The following ADGRB3 variants were observed in gnomAD, a reference collection of about 807,000 sequenced individuals.
ADGRB3 encodes brain-specific angiogenesis inhibitor 3.
ADGRB3 carries 37 observed loss-of-function variants against 193.4 expected under a neutral mutation model. The observed-to-expected ratio is 0.19, with a 90% CI of 0.15 to 0.25. ADGRB3 has a LOEUF of 0.25. Ranked by LOEUF, ADGRB3 falls within the 10% of genes least tolerant of loss-of-function variation. The probability of loss-of-function intolerance (pLI) is 1.00; values close to 1 mark genes in which losing one functional copy is unlikely to be tolerated. For synonymous variants in ADGRB3, 690 were observed against 644.2 expected (o/e 1.07, Z -1.08); for missense variants, 1,637 against 1,852.9 (o/e 0.88, Z 2.14).
At chr6:69,112,025 C>G (rs1429034324) in intron 17 of ADGRB3, among the ~76,000 whole-genome samples, 1 of 152,178 alleles carries the variant, frequency 6.6e-6, no homozygotes, top group Admixed American at 6.5e-5. Context: ...CAGATAGGCT[C>G]TGTGATATTT....
intron 3 of ADGRB3, among the ~76,000 whole-genome samples, chr6:68,843,483 C>T (rs1024633096): frequency 1.3e-5 from 2 of 151,836 alleles, no homozygotes; most frequent in African/African-American, 4.8e-5. Context: ...AAGATCTCTA[C>T]AATGAAAACT....
chr6:69,337,649 G>A (rs1016629014), intron 24 of ADGRB3, among the ~76,000 whole-genome samples: 2 of 152,250 alleles, frequency 1.3e-5, no homozygotes, highest in Non-Finnish European at 2.9e-5. Context: ...TCAGTAAAGC[G>A]AGGGATTTAG....
intron 3 of ADGRB3, among the ~76,000 whole-genome samples, chr6:68,753,722 T>A (rs1766246103): frequency 6.6e-6 from 1 of 151,994 alleles, no homozygotes; most frequent in Admixed American, 6.6e-5. Context: ...TAAAGAAAAA[T>A]TATTTTTTCC....
At chr6:69,065,033 A>G (rs1242197541) in intron 16 of ADGRB3, among the ~76,000 whole-genome samples, 2 of 152,296 alleles carry the variant, frequency 1.3e-5, no homozygotes, top group African/African-American at 4.8e-5. Flanking sequence ...ATTAAGCACC[A>G]GCTAGTACTG....
intron 3 of ADGRB3, among the ~76,000 whole-genome samples, chr6:68,721,952 C>T (rs1395549452): frequency 2.6e-5 from 4 of 151,384 alleles, no homozygotes. Flanking sequence ...AATAAGTTTT[C>T]ATTAATCATT....
chr6:69,022,410 G>A (rs1770296512), intron 13 of ADGRB3, among the ~76,000 whole-genome samples: 1 of 151,698 alleles, frequency 6.6e-6, no homozygotes. Flanking sequence ...CAACAAGACA[G>A]AAAGTTATTT....
intron 17 of ADGRB3, among the ~76,000 whole-genome samples, chr6:69,107,415 G>C (rs1369667564): frequency 2.6e-5 from 4 of 152,148 alleles, no homozygotes; most frequent in Non-Finnish European, 5.9e-5. Flanking sequence ...TTTATTGAGT[G>C]CCTAATATGT....
At chr6:68,847,733 A>G (rs1215674990) in intron 3 of ADGRB3, among the ~76,000 whole-genome samples, 3 of 152,180 alleles carry the variant, frequency 2.0e-5, no homozygotes, top group Admixed American at 6.6e-5. Flanking sequence ...AAAACGGACT[A>G]ATACACTGTT....
intron 17 of ADGRB3, among the ~76,000 whole-genome samples, chr6:69,221,819 T>C (rs1282038114): frequency 1.3e-5 from 2 of 152,120 alleles, no homozygotes; most frequent in Non-Finnish European, 2.9e-5. Context: ...ATAGGAAGAT[T>C]ACATTCTTTG....
At chr6:68,900,744 A>T (rs528018492) in intron 3 of ADGRB3, among the ~76,000 whole-genome samples, 2 of 152,066 alleles carry the variant, frequency 1.3e-5, no homozygotes, top group African/African-American at 4.8e-5. Flanking sequence ...AGAGACCAAC[A>T]CTGGGCCCGT....
At chr6:69,066,546 T>C (rs1472829715) in intron 16 of ADGRB3, among the ~76,000 whole-genome samples, 1 of 152,034 alleles carries the variant, frequency 6.6e-6, no homozygotes, top group East Asian at 1.9e-4. Context: ...GAATAGGTAA[T>C]AAAATATGGA....
At chr6:68,905,847 C>A (rs1210056388) in intron 3 of ADGRB3, among the ~76,000 whole-genome samples, 2 of 152,098 alleles carry the variant, frequency 1.3e-5, no homozygotes, top group Admixed American at 6.6e-5. Flanking sequence ...AAGGAAGGAA[C>A]CTGACCACTG....
intron 3 of ADGRB3, among the ~76,000 whole-genome samples, chr6:68,724,064 C>T (rs937807524): frequency 6.6e-5 from 10 of 150,928 alleles, no homozygotes; most frequent in East Asian, 2.0e-4. Flanking sequence ...TTAGCATGAC[C>T]GCAGGGTCTC....
intron 17 of ADGRB3, among the ~76,000 whole-genome samples, chr6:69,105,195 T>C (rs952742110): frequency 1.3e-5 from 2 of 152,170 alleles, no homozygotes; most frequent in South Asian, 2.1e-4. Context: ...TCCTAGTGAG[T>C]TCCCTGGAAA....
At chr6:69,348,828 C>T (rs1030285452) in intron 26 of ADGRB3, among the ~76,000 whole-genome samples, 1 of 152,202 alleles carries the variant, frequency 6.6e-6, no homozygotes, top group Non-Finnish European at 1.5e-5. Context: ...AACTTATTAA[C>T]TCATGTCTTA....
At chr6:68,876,966 A>C (rs1011785086) in intron 3 of ADGRB3, among the ~76,000 whole-genome samples, 4 of 152,066 alleles carry the variant, frequency 2.6e-5, no homozygotes, top group African/African-American at 9.7e-5. Flanking sequence ...GCTATATGTT[A>C]ATTTTAAATG....
chr6:69,274,617 C>T (rs145658031), intron 20 of ADGRB3, among the ~76,000 whole-genome samples: 6 of 109,474 alleles, frequency 5.5e-5, no homozygotes, highest in African/African-American at 1.7e-4. Flanking sequence ...CTCCCTCCCT[C>T]CCTCCCTTCC....
At chr6:69,051,502 G>T (rs1200004560) in intron 15 of ADGRB3, among the ~76,000 whole-genome samples, 5 of 152,166 alleles carry the variant, frequency 3.3e-5, no homozygotes, top group African/African-American at 4.8e-5. Context: ...ATAGTGCTTA[G>T]ATCATTGACC....
intron 13 of ADGRB3, among the ~76,000 whole-genome samples, chr6:69,037,445 AG>A (rs1300681431): frequency 1.3e-5 from 2 of 152,222 alleles, no homozygotes; most frequent in African/African-American, 2.4e-5. Context: ...TTTCTGTTTT[AG>A]CTCATTGTAG....
Sources: gnomAD v4.1 joint callset for allele counts (sites outside exome capture counted in the v4.1 genomes callset) on GRCh38, gnomAD v4.1.1 for gene constraint, MANE v1.5 for transcripts, NCBI Gene and HGNC (gene_info 2026-07-23, HGNC 2026-07-21) for gene names.